Variants in RNF17 observed in about 807,000 individuals in gnomAD.
The protein encoded by RNF17 is spermatogenesis associated 23.
A neutral mutation model predicts 200.5 loss-of-function variants in RNF17; 31 were observed. The ratio of observed to expected loss-of-function variants is 0.15; its 90% CI spans 0.12 to 0.21. RNF17 has a LOEUF of 0.21. Among genes scored for constraint, RNF17 ranks in the 10% least tolerant of loss-of-function variants. RNF17 has a pLI of 1.00. For synonymous variants in RNF17, 606 were observed against 637.8 expected, an observed-to-expected ratio of 0.95 and a Z score of 0.75; for missense variants, 1,628 against 1,905.1, an observed-to-expected ratio of 0.85 and a Z score of 2.71.
At chr13:24,870,490 C>G in intron 31 of RNF17, 81 bp from the exon 32 acceptor site, 1 of 1,261,342 alleles carries the variant, frequency 7.9e-7, no homozygotes, top group Admixed American at 1.9e-5. Context: ...TGGAGGCTGT[C>G]TGCTACAGTA....
intron 18 of RNF17, among the ~76,000 whole-genome samples, chr13:24,840,121 A>G (rs575088960): frequency 6.6e-6 from 1 of 152,368 alleles, no homozygotes; most frequent in Admixed American, 6.5e-5. Flanking sequence ...AAGGTATGAA[A>G]AAATGCTCAA....
chr13:24,770,360 A>G (rs537849011), intron 2 of RNF17, among the ~76,000 whole-genome samples: 7 of 152,156 alleles, frequency 4.6e-5, no homozygotes, highest in Non-Finnish European at 7.4e-5. Context: ...CCTTTATTAT[A>G]TATGTTACAA....
At chr13:24,838,538 A>G (rs1358384491) in intron 18 of RNF17, among the ~76,000 whole-genome samples, 1 of 152,122 alleles carries the variant, frequency 6.6e-6, no homozygotes, top group Non-Finnish European at 1.5e-5. Flanking sequence ...ATGCAAGTCA[A>G]TAAATGTGAT....
At chr13:24,801,350 A>C (rs1266681386) in intron 13 of RNF17, among the ~76,000 whole-genome samples, 3 of 152,120 alleles carry the variant, frequency 2.0e-5, no homozygotes, top group African/African-American at 7.2e-5. Flanking sequence ...GATCAACATA[A>C]AAAGTTTTTT....
intron 15 of RNF17, among the ~76,000 whole-genome samples, chr13:24,818,939 C>G (rs1367919094): frequency 6.6e-6 from 1 of 152,038 alleles, no homozygotes; most frequent in Non-Finnish European, 1.5e-5. Flanking sequence ...TGTATCTTAT[C>G]ACACTTTTAT....
intron 27 of RNF17, among the ~76,000 whole-genome samples, chr13:24,862,338 A>G (rs1043665538): frequency 2.6e-5 from 4 of 152,236 alleles, no homozygotes; most frequent in African/African-American, 9.6e-5. Context: ...CTCAACGCAT[A>G]AAGACGCAAC....
Position 24,859,147 on chromosome 13 carries a change from G to A in RNF17, c.3757G>A (p.Val1253Ile), listed in dbSNP as rs1222965336. The change falls in exon 26 of 36, where the codon GTA becomes ATA. Residue 1253 changes from valine (V) to isoleucine (I), a missense_variant. By Grantham distance (29) the Val-to-Ile change is conservative. Around this residue, in one of 5 missense-constraint regions of RNF17, gnomAD observed 609 missense variants for 681.9 expected, o/e 0.89. Coordinates refer to ENST00000255324, the MANE Select transcript of RNF17 (RefSeq NM_031277.3). ...GTATCGTGGCAAGGTGATGGAGGTT[G>A]TAGGTGGCGCTGTCAGAGTGAGTCT... Reference protein sequence around the residue: ...LWYRGKVMEVVGGAVRVQYLD... With the variant: ...LWYRGKVMEVIGGAVRVQYLD... 4 of 1,600,802 alleles carry A rather than the reference G, an allele frequency of 2.5e-6. No homozygotes were observed. The highest frequency in any genetic ancestry group is 4.5e-5 in the East Asian group (2 of 44,796).
At chr13:24,886,337 A>C in the RNF17 span, 1 of 1,289,288 alleles carries the variant, frequency 7.8e-7, no homozygotes, top group African/African-American at 1.5e-5. Flanking sequence ...GAGCGGAGGC[A>C]GGTGGTCAGC....
At chr13:24,869,584 A>G (rs945216529) in intron 31 of RNF17, among the ~76,000 whole-genome samples, 4 of 152,052 alleles carry the variant, frequency 2.6e-5, no homozygotes, top group African/African-American at 7.2e-5. Flanking sequence ...GAAAAGACTC[A>G]CTCACATGGC....
rs555515145 is a variant in RNF17, at chr13:24,807,475, C to T, written c.2091+3046C>T. Among the ~76,000 whole-genome samples, 1,067 of 152,232 alleles carry T rather than the reference C, an allele frequency of 7.0e-3. 12 individuals are homozygous for T. The highest frequency in any genetic ancestry group is 0.017 in the Middle Eastern group (5 of 294). ...TTGAGAAGTGTCTGTTCATAGCCTTCGCCCACTTTTTGATGGGGTTGTTTT... is the reference window on the plus strand; with the variant it reads ...TTGAGAAGTGTCTGTTCATAGCCTTTGCCCACTTTTTGATGGGGTTGTTTT... On this transcript the variant is annotated intron_variant, in intron 15 of 35. Coordinates refer to ENST00000255324, the MANE Select transcript of RNF17 (RefSeq NM_031277.3).
intron 11 of RNF17, among the ~76,000 whole-genome samples, chr13:24,797,525 T>C (rs901181045): frequency 6.6e-6 from 1 of 152,082 alleles, no homozygotes; most frequent in Non-Finnish European, 1.5e-5. Flanking sequence ...GAGAAAAAAA[T>C]CAATTCCTGG....
chr13:24,817,676 G>GC (rs1238377956), intron 15 of RNF17, among the ~76,000 whole-genome samples: 1 of 150,762 alleles, frequency 6.6e-6, no homozygotes, highest in Non-Finnish European at 1.5e-5. Flanking sequence ...CTGAGAGTGT[G>GC]CCACTGCATT....
chr13:24,853,404 AGGTAATATATGAATAT>A (rs1892148146), intron 24 of RNF17, among the ~76,000 whole-genome samples: 1 of 152,168 alleles, frequency 6.6e-6, no homozygotes, highest in African/African-American at 2.4e-5. Context: ...ATTACCACTT[AGGTAATATATGAATAT>A]GGTATATTCA....
intron 10 of RNF17, among the ~76,000 whole-genome samples, chr13:24,793,845 A>G (rs555165784): frequency 6.6e-6 from 1 of 152,320 alleles, no homozygotes; most frequent in South Asian, 2.1e-4. Flanking sequence ...GTGAGATACT[A>G]CACTATGTAG....
At chr13:24,849,152 C>T (rs1465702825) in intron 22 of RNF17, among the ~76,000 whole-genome samples, 1 of 152,184 alleles carries the variant, frequency 6.6e-6, no homozygotes, top group Non-Finnish European at 1.5e-5. Context: ...TAATGAGGCC[C>T]TGTCTCTTAA....
intron 34 of RNF17, among the ~76,000 whole-genome samples, chr13:24,878,554 C>T (rs1282435338): frequency 6.6e-6 from 1 of 152,136 alleles, no homozygotes; most frequent in Non-Finnish European, 1.5e-5. Flanking sequence ...GCTGCTAGTC[C>T]AAGGCCAAAG....
chr13:24,870,850 C>G (rs973447118), intron 32 of RNF17, 111 bp downstream of exon 32: 1 of 720,274 alleles, frequency 1.4e-6, no homozygotes, highest in African/African-American at 1.8e-5. Context: ...CTCATATTCA[C>G]TTTACATGCA....
chr13:24,883,505 G>T, downstream of RNF17: 5 of 631,696 alleles, frequency 7.9e-6, no homozygotes, highest in South Asian at 2.2e-5. Context: ...CTATACAATT[G>T]TAACTTTCTA....
At position 24,874,228 on chromosome 13, in the gene RNF17, C is replaced by G. The variant is rs745700966; in HGVS notation, c.4562C>G (p.Thr1521Ser). The G allele has an allele frequency of 6.2e-7, 1 of 1,600,360 alleles. No individual in the cohort carries two copies. The highest frequency in any genetic ancestry group is 2.3e-5 in the East Asian group (1 of 44,282). The change falls in exon 33 of 36, where the codon ACT (threonine) becomes AGT (serine). Residue 1521 changes from threonine (T) to serine (S), a missense_variant. Physicochemically the swap from Thr to Ser is moderately conservative, Grantham distance 58. This residue lies in a region of RNF17 where 609 missense variants were observed against 681.9 expected (regional missense o/e 0.89). Coordinates refer to ENST00000255324, the MANE Select transcript of RNF17 (RefSeq NM_031277.3). Reference sequence around the variant, plus strand: ...GTACAATTTGTTGATTATGGATCAACTGCAAAGCTGACATTAAACAGGTTA... The same window carrying G: ...GTACAATTTGTTGATTATGGATCAAGTGCAAAGCTGACATTAAACAGGTTA... Reference protein sequence around the residue: ...ILVQFVDYGSTAKLTLNRLCQ... With the variant: ...ILVQFVDYGSSAKLTLNRLCQ...
Sources: gnomAD v4.1 joint callset for allele counts (sites outside exome capture counted in the v4.1 genomes callset) on GRCh38, gnomAD v4.1.1 for gene constraint, gnomAD v4.1.1 regional missense constraint, MANE v1.5 for transcripts, NCBI Gene and HGNC (gene_info 2026-07-23, HGNC 2026-07-21) for gene names.